Variants in SUGCT observed in about 807,000 individuals in gnomAD.
SUGCT encodes the protein succinyl-CoA:glutarate-CoA transferase.
SUGCT carries 41 observed loss-of-function variants against 55.0 expected under a neutral mutation model. The observed-to-expected ratio is 0.74, with a 90% CI of 0.58 to 0.97. The LOEUF (loss-of-function observed/expected upper bound fraction) is 0.97, where lower values mean the gene tolerates loss of function less well. Among genes scored for constraint, SUGCT ranks in the 50% least tolerant of loss-of-function variants. The pLI is 0.00. For synonymous variants in SUGCT, 187 were observed against 200.4 expected (o/e 0.93, Z 0.56); for missense variants, 568 against 547.8 (o/e 1.04, Z -0.37).
chr7:40,736,496 TA>T (rs1445110376), intron 12 of SUGCT, among the ~76,000 whole-genome samples: 1 of 151,660 alleles, frequency 6.6e-6, no homozygotes, highest in African/African-American at 2.4e-5. Flanking sequence ...CAGTAAAAAT[TA>T]AATACATTAA....
chr7:40,763,551 G>C (rs955444463), intron 13 of SUGCT, among the ~76,000 whole-genome samples: 3 of 152,170 alleles, frequency 2.0e-5, no homozygotes, highest in African/African-American at 7.2e-5. Context: ...ATGTTTGAGA[G>C]TGGGTGGTCA....
At chr7:40,220,786 A>G (rs912503565) in intron 6 of SUGCT, among the ~76,000 whole-genome samples, 11 of 152,166 alleles carry the variant, frequency 7.2e-5, no homozygotes, top group African/African-American at 2.7e-4. Flanking sequence ...CCACAGAAAA[A>G]TTCTGAACCT....
chr7:40,962,837 C>T, the SUGCT span, among the ~76,000 whole-genome samples: 2 of 152,128 alleles, frequency 1.3e-5, no homozygotes, highest in African/African-American at 4.8e-5. Flanking sequence ...TATGGATCAG[C>T]TCCTGGAAAC....
chr7:40,242,495 G>A (rs1789475395), intron 7 of SUGCT, among the ~76,000 whole-genome samples: 1 of 151,982 alleles, frequency 6.6e-6, no homozygotes, highest in African/African-American at 2.4e-5. Flanking sequence ...TTCTATAACT[G>A]AAGCTTAGAG....
rs1257928135 is a variant in SUGCT at position 40,699,847 on chromosome 7, G to A, written c.1090-49587G>A. On this transcript the variant is annotated intron_variant, in intron 12 of 13. Coordinates refer to ENST00000335693, the MANE Select transcript of SUGCT (RefSeq NM_001193313.2). ...CACTCCAGCCTGGGTGACAGAGCGA[G>A]ACTCCATCTCAAAAAAATAAAATAA... 2.0e-5 allele frequency among the ~76,000 whole-genome samples: 3 copies of A among 152,210 alleles called. No homozygotes were observed. In the East Asian group the frequency reaches 5.8e-4, roughly 29 times the overall value.
chr7:40,527,923 T>C (rs1025475790), intron 12 of SUGCT, among the ~76,000 whole-genome samples: 3 of 152,200 alleles, frequency 2.0e-5, no homozygotes, highest in Non-Finnish European at 2.9e-5. Flanking sequence ...GCCTAGTTTT[T>C]TTCTTTTTAC....
chr7:40,810,802 A>G (rs542264345), intron 13 of SUGCT, among the ~76,000 whole-genome samples: 2 of 152,220 alleles, frequency 1.3e-5, no homozygotes, highest in East Asian at 3.9e-4. Context: ...TTGTGTTGCA[A>G]TTGCTTTTGA....
At chr7:40,787,660 CAA>C (rs55764379) in intron 13 of SUGCT, among the ~76,000 whole-genome samples, 755 of 48,364 alleles carry the variant, frequency 0.016, 15 homozygotes, top group East Asian at 0.14. Flanking sequence ...AAATTTTGAC[CAA>C]AAAAAAAAAA....
rs1562728461 is a variant in SUGCT at position 40,377,186 on chromosome 7, CTTTCTTTCTTTCT to C, written c.816+60339_816+60351del. 6.6e-4 allele frequency among the ~76,000 whole-genome samples: 9 copies of C among 13,552 alleles called. 3 individuals carry two copies. The highest frequency in any genetic ancestry group is 9.3e-4 in the African/African-American group (9 of 9,648). 8.9% of individuals were successfully genotyped at this position (13,552 alleles called of 152,430 possible). The stretch of plus-strand genomic sequence containing the variant: ...TCTTTCTTTCTTTCTTTCTTTCTTT[CTTTCTTTCTTTCT>C]TTTCTTTTCTTTTCTTTCTTTTCTT... On this transcript the variant is annotated intron_variant, in intron 9 of 13. Coordinates refer to ENST00000335693, the MANE Select transcript of SUGCT (RefSeq NM_001193313.2).
intron 9 of SUGCT, among the ~76,000 whole-genome samples, chr7:40,377,185 T>C (rs1562728428): frequency 4.7e-4 from 7 of 15,010 alleles, no homozygotes; most frequent in South Asian, 6.8e-3. Context: ...TTTCTTTCTT[T>C]CTTTCTTTCT....
chr7:40,439,892 G>C (rs868262660), intron 9 of SUGCT, among the ~76,000 whole-genome samples: 15 of 152,070 alleles, frequency 9.9e-5, no homozygotes, highest in African/African-American at 3.1e-4. Context: ...ACTGCATTCT[G>C]TTCGCATCAT....
chr7:40,204,251 G>C (rs190049168), intron 6 of SUGCT, among the ~76,000 whole-genome samples: 131 of 150,996 alleles, frequency 8.7e-4, no homozygotes, highest in Non-Finnish European at 1.5e-3. Context: ...TTGGTCCCCT[G>C]AAGTACTGAG....
chr7:40,932,681 G>A, the SUGCT span, among the ~76,000 whole-genome samples: 5 of 151,802 alleles, frequency 3.3e-5, no homozygotes, highest in East Asian at 1.9e-4. Context: ...TTATGTAATG[G>A]CCTTCTTTGT....
chr7:40,303,263 AC>A (rs1794645355), intron 8 of SUGCT, among the ~76,000 whole-genome samples: 1 of 151,900 alleles, frequency 6.6e-6, no homozygotes, highest in African/African-American at 2.4e-5. Context: ...TGGACTCCTG[AC>A]CTCAGGTGAT....
chr7:40,722,913 T>G (rs946724876), intron 12 of SUGCT, among the ~76,000 whole-genome samples: 1 of 152,202 alleles, frequency 6.6e-6, no homozygotes, highest in African/African-American at 2.4e-5. Flanking sequence ...AAACAACATC[T>G]GTACTCTCAA....
At chr7:41,027,079 A>T in the SUGCT span, among the ~76,000 whole-genome samples, 15 of 152,218 alleles carry the variant, frequency 9.9e-5, no homozygotes, top group Admixed American at 2.0e-4. Context: ...AAACAAAAAC[A>T]TCTTTCTAGA....
At chr7:40,661,130 T>C (rs1468551575) in intron 12 of SUGCT, among the ~76,000 whole-genome samples, 2 of 152,252 alleles carry the variant, frequency 1.3e-5, no homozygotes, top group Non-Finnish European at 2.9e-5. Flanking sequence ...CTCACTTTCT[T>C]ATTGTCTAAG....
the SUGCT span, among the ~76,000 whole-genome samples, chr7:40,926,535 T>G: frequency 6.6e-6 from 1 of 152,194 alleles, no homozygotes; most frequent in Non-Finnish European, 1.5e-5. Context: ...AATGTTTGTA[T>G]CACCCCAAAA....
intron 11 of SUGCT, among the ~76,000 whole-genome samples, chr7:40,464,571 C>A (rs968698297): frequency 1.3e-5 from 2 of 152,184 alleles, no homozygotes; most frequent in African/African-American, 4.8e-5. Context: ...TGGTCCCCAA[C>A]TTACAATTTT....
Sources: gnomAD v4.1 joint callset for allele counts (sites outside exome capture counted in the v4.1 genomes callset) on GRCh38, gnomAD v4.1.1 for gene constraint, MANE v1.5 for transcripts, NCBI Gene and HGNC (gene_info 2026-07-23, HGNC 2026-07-21) for gene names.